Variants in BAIAP2 observed in about 807,000 individuals in gnomAD.
BAIAP2 encodes the protein BAR/IMD domain-containing adapter protein 2.
In BAIAP2, 18 loss-of-function variants were observed where a neutral mutation model predicts 63.0. The observed-to-expected ratio is 0.29, with a 90% confidence interval of 0.20 to 0.42. The LOEUF is 0.42. Ranked by LOEUF, BAIAP2 falls within the 10% of genes least tolerant of loss-of-function variation. The pLI is 1.00. For synonymous variants in BAIAP2, 386 were observed against 307.6 expected (o/e 1.25, Z -2.67); for missense variants, 610 against 734.3 (o/e 0.83, Z 1.96).
chr17:81,081,282 T>A (rs1448628411), intron 3 of BAIAP2, among the ~76,000 whole-genome samples: 3 of 152,206 alleles, frequency 2.0e-5, no homozygotes, highest in Non-Finnish European at 4.4e-5. Context: ...CGAGGAGCCC[T>A]GGAGCTGCCT....
intron 13 of BAIAP2, among the ~76,000 whole-genome samples, chr17:81,115,211 T>C (rs979267312): frequency 3.9e-5 from 6 of 152,238 alleles, no homozygotes; most frequent in African/African-American, 9.7e-5. Flanking sequence ...AACCACTGTC[T>C]GGCCCAGGGG....
chr17:81,106,154 C>A lies in BAIAP2; in HGVS notation c.1337+8C>A. 6.4e-7 allele frequency: 1 copy of A among 1,573,022 alleles called. No homozygotes were observed. ...TGACAGGCTGCACATGAGGTGAGCT[C>A]TGGGCCCAACGGGAGTGTAAGATCC... On this transcript the variant is annotated splice_region_variant and intron_variant, in intron 11 of 13. Coordinates refer to ENST00000428708, the MANE Select transcript of BAIAP2 (RefSeq NM_001144888.2).
chr17:81,075,236 G>C (rs1326588696), intron 3 of BAIAP2, among the ~76,000 whole-genome samples: 1 of 152,166 alleles, frequency 6.6e-6, no homozygotes, highest in Admixed American at 6.5e-5. Flanking sequence ...GCCTGTGCTG[G>C]GTCTGGGGCA....
At chr17:81,101,068 C>G (rs1254691650) in intron 7 of BAIAP2, among the ~76,000 whole-genome samples, 1 of 151,332 alleles carries the variant, frequency 6.6e-6, no homozygotes, top group African/African-American at 2.4e-5. Flanking sequence ...TCCTGCGGCC[C>G]TGTGTCTCCC....
chr17:81,043,547 G>T (rs1030649476), intron 1 of BAIAP2, among the ~76,000 whole-genome samples: 3 of 152,210 alleles, frequency 2.0e-5, no homozygotes, highest in African/African-American at 7.2e-5. Context: ...CTCTGGCTCT[G>T]GGGACGGCTG....
chr17:81,099,808 T>C (rs1213890404), intron 6 of BAIAP2, 120 bp from the exon 7 acceptor site: 1 of 1,201,372 alleles, frequency 8.3e-7, no homozygotes, highest in African/African-American at 1.5e-5. Flanking sequence ...GCTGTTTTGT[T>C]TCCAGCTGCT....
chr17:81,104,962 G>T, intron 10 of BAIAP2: 1 of 486,048 alleles, frequency 2.1e-6, no homozygotes, highest in Non-Finnish European at 3.7e-6. Context: ...CTACAGGAGG[G>T]ATCTCCCCCC....
chr17:81,038,898 GGT>G (rs71367031), intron 1 of BAIAP2, among the ~76,000 whole-genome samples: 116,657 of 145,598 alleles, frequency 0.8, 45,046 homozygotes, highest in Middle Eastern at 0.84. Context: ...CGCCTTCCTG[GGT>G]GGGGGGGGCA....
intron 2 of BAIAP2, among the ~76,000 whole-genome samples, chr17:81,055,943 A>ATG (rs1440042111): frequency 1.3e-5 from 2 of 151,994 alleles, no homozygotes; most frequent in Admixed American, 1.3e-4. Context: ...AGCTTCTTGG[A>ATG]TGAGGTAGTG....
At chr17:81,062,833 G>A (rs1383433712) in intron 3 of BAIAP2, among the ~76,000 whole-genome samples, 1 of 151,986 alleles carries the variant, frequency 6.6e-6, no homozygotes, top group Non-Finnish European at 1.5e-5. Context: ...GAGTCTGAGG[G>A]CCTCACACCG....
chr17:81,078,177 G>A lies in BAIAP2; in HGVS notation c.218-6655G>A, dbSNP rs376177518. ...GCTGGATGCTGTGGGTGCGGGTGCC[G>A]TATTGGGTGGGAGCCGGATGCTGTG... On this transcript the variant is annotated intron_variant, in intron 3 of 13. Transcript: ENST00000428708. 1.7e-4 allele frequency among the ~76,000 whole-genome samples: 23 copies of A among 132,540 alleles called. 2 individuals are homozygous for A. In the East Asian group the frequency reaches 4.9e-3, roughly 28 times the overall value. 87.0% of individuals were successfully genotyped at this position (132,540 alleles called of 152,430 possible).
intron 7 of BAIAP2, 147 bp from the exon 8 acceptor site, chr17:81,103,355 C>CG: frequency 2.7e-6 from 2 of 739,294 alleles, no homozygotes; most frequent in Non-Finnish European, 4.4e-6. Context: ...CAGAGGCTCA[C>CG]GGGTGGCCTG....
intron 6 of BAIAP2, among the ~76,000 whole-genome samples, chr17:81,090,583 G>A (rs1001774482): frequency 1.3e-5 from 2 of 152,246 alleles, no homozygotes; most frequent in African/African-American, 4.8e-5. Flanking sequence ...AACATTTTGG[G>A]GTGGGAAACA....
At chr17:81,103,854 G>A in intron 8 of BAIAP2, 53 bp from the exon 9 acceptor site, 1 of 1,606,046 alleles carries the variant, frequency 6.2e-7, no homozygotes. Flanking sequence ...TTTCCCCCTG[G>A]TCTTGCCCGG....
At chr17:81,081,192 T>A (rs1320538462) in intron 3 of BAIAP2, among the ~76,000 whole-genome samples, 1 of 152,246 alleles carries the variant, frequency 6.6e-6, no homozygotes, top group East Asian at 1.9e-4. Flanking sequence ...CGCAGGACAG[T>A]TCCCTGGAGG....
At chr17:81,106,951 C>T (rs1165138870) in intron 12 of BAIAP2, 44 bp downstream of exon 12, 3 of 1,466,462 alleles carry the variant, frequency 2.0e-6, no homozygotes, top group South Asian at 1.4e-5. Flanking sequence ...GCAGGTGGAA[C>T]AGTGGGCTCA....
intron 3 of BAIAP2, among the ~76,000 whole-genome samples, chr17:81,073,545 G>A (rs898234908): frequency 2.6e-5 from 4 of 152,148 alleles, no homozygotes; most frequent in Non-Finnish European, 4.4e-5. Flanking sequence ...TCAAGCATTT[G>A]GGGACCCTCG....
intron 2 of BAIAP2, chr17:81,057,646 C>A: frequency 7.7e-7 from 1 of 1,296,198 alleles, no homozygotes; most frequent in Non-Finnish European, 9.8e-7. Context: ...AGGACCTGAA[C>A]TGGTACGTTG....
intron 13 of BAIAP2, among the ~76,000 whole-genome samples, chr17:81,112,282 G>A (rs2060012288): frequency 6.6e-6 from 1 of 152,230 alleles, no homozygotes; most frequent in South Asian, 2.1e-4. Context: ...ACGTCCCTTG[G>A]AGGGCAGAGA....
Sources: allele counts gnomAD v4.1 joint callset (sites outside exome capture counted in the v4.1 genomes callset), GRCh38; gene constraint gnomAD v4.1.1; transcripts MANE v1.5; gene names NCBI Gene and HGNC (gene_info 2026-07-23, HGNC 2026-07-21).